LSAMP: variants seen among roughly 807,000 people sequenced by gnomAD.
The protein encoded by LSAMP is limbic system-associated membrane protein.
LSAMP carries 7 observed loss-of-function variants against 38.6 expected under a neutral mutation model. The ratio of observed to expected loss-of-function variants is 0.18; its 90% CI spans 0.10 to 0.34. The LOEUF is 0.34. Ranked by LOEUF, LSAMP falls within the 10% of genes least tolerant of loss-of-function variation. The pLI is 1.00. For synonymous variants in LSAMP, 154 were observed against 166.8 expected (o/e 0.92, Z 0.59); for missense variants, 313 against 420.0 (o/e 0.75, Z 2.23).
chr3:116,087,261 A>G (rs911482713), intron 1 of LSAMP, among the ~76,000 whole-genome samples: 8 of 152,374 alleles, frequency 5.3e-5, no homozygotes, highest in African/African-American at 1.7e-4. Flanking sequence ...ACAAAGATGA[A>G]GAAGCCAATT....
chr3:116,168,600 G>T (rs1710119448), intron 1 of LSAMP, among the ~76,000 whole-genome samples: 1 of 152,162 alleles, frequency 6.6e-6, no homozygotes. Flanking sequence ...AACTTATGGA[G>T]TTCTGACACA....
chr3:116,150,768 T>A (rs190926126), intron 1 of LSAMP, among the ~76,000 whole-genome samples: 287 of 152,104 alleles, frequency 1.9e-3, no homozygotes, highest in African/African-American at 6.5e-3. Flanking sequence ...CCCTGAAATG[T>A]TAGAAGCAAG....
intron 3 of LSAMP, among the ~76,000 whole-genome samples, chr3:115,939,248 A>G (rs2107554729): frequency 6.6e-6 from 1 of 152,302 alleles, no homozygotes; most frequent in Middle Eastern, 3.4e-3. Context: ...CCATCTTAAG[A>G]AGATTTTTTA....
At chr3:116,258,202 T>C (rs1432179019) in intron 1 of LSAMP, among the ~76,000 whole-genome samples, 3 of 152,132 alleles carry the variant, frequency 2.0e-5, no homozygotes, top group Non-Finnish European at 4.4e-5. Flanking sequence ...TTCTACAAAA[T>C]TGATGAGTGA....
chr3:116,171,874 C>A (rs1323980225), intron 1 of LSAMP, among the ~76,000 whole-genome samples: 1 of 152,040 alleles, frequency 6.6e-6, no homozygotes, highest in East Asian at 1.9e-4. Context: ...GTGACCAGTT[C>A]ATTGTGGTTC....
chr3:116,090,759 T>A (rs537553522), intron 1 of LSAMP, among the ~76,000 whole-genome samples: 3 of 152,034 alleles, frequency 2.0e-5, no homozygotes, highest in African/African-American at 7.2e-5. Context: ...AACCAGCAAG[T>A]TTTTATTAGG....
At chr3:116,233,267 GC>G (rs1282492289) in intron 1 of LSAMP, among the ~76,000 whole-genome samples, 2 of 151,822 alleles carry the variant, frequency 1.3e-5, no homozygotes, top group African/African-American at 4.8e-5. Flanking sequence ...CAAAAAATTA[GC>G]CGGGCATGGT....
intron 3 of LSAMP, among the ~76,000 whole-genome samples, chr3:115,925,886 A>C (rs1937487215): frequency 6.6e-6 from 1 of 152,200 alleles, no homozygotes. Flanking sequence ...TTAATAAGGC[A>C]AACCAAAATT....
At chr3:115,891,123 G>C (rs13083124) in intron 3 of LSAMP, among the ~76,000 whole-genome samples, 1 of 151,834 alleles carries the variant, frequency 6.6e-6, no homozygotes, top group Admixed American at 6.6e-5. Flanking sequence ...TGAAGGGAAG[G>C]CTGGGAACCA....
intron 3 of LSAMP, among the ~76,000 whole-genome samples, chr3:115,915,216 A>C (rs2107512645): frequency 6.6e-6 from 1 of 152,288 alleles, no homozygotes; most frequent in African/African-American, 2.4e-5. Flanking sequence ...GACATTCCTA[A>C]CTTTTCTGAG....
At chr3:115,880,881 CA>C (rs886181973) in intron 3 of LSAMP, among the ~76,000 whole-genome samples, 2 of 151,452 alleles carry the variant, frequency 1.3e-5, no homozygotes, top group Non-Finnish European at 2.9e-5. Context: ...ACCAAAAATA[CA>C]AAAAAATGAG....
intron 1 of LSAMP, among the ~76,000 whole-genome samples, chr3:116,225,753 G>GTTT (rs5852000): frequency 6.8e-6 from 1 of 146,764 alleles, no homozygotes; most frequent in African/African-American, 2.5e-5. Flanking sequence ...GTATATTATT[G>GTTT]TTTTTTTTTT....
chr3:116,082,716 A>G (rs1237363864), intron 2 of LSAMP, among the ~76,000 whole-genome samples: 1 of 152,244 alleles, frequency 6.6e-6, no homozygotes, highest in Non-Finnish European at 1.5e-5. Context: ...ATAAAAAAGA[A>G]CAAGATCATG....
intron 1 of LSAMP, among the ~76,000 whole-genome samples, chr3:116,315,125 T>C (rs1221632144): frequency 6.6e-6 from 1 of 152,222 alleles, no homozygotes; most frequent in Admixed American, 6.5e-5. Context: ...TTCCAGGCTT[T>C]GTAGCCTCCA....
chr3:115,976,899 T>C (rs1411141027), intron 3 of LSAMP, among the ~76,000 whole-genome samples: 1 of 152,148 alleles, frequency 6.6e-6, no homozygotes, highest in Non-Finnish European at 1.5e-5. Flanking sequence ...TAAAAACTTA[T>C]TTTCTTTATA....
At chr3:115,873,788 C>T (rs994752290) in intron 3 of LSAMP, among the ~76,000 whole-genome samples, 1 of 152,080 alleles carries the variant, frequency 6.6e-6, no homozygotes, top group African/African-American at 2.4e-5. Flanking sequence ...ATGCAAATTA[C>T]CAGGTATCAC....
At chr3:115,851,119 A>C (rs1375305566) in intron 4 of LSAMP, among the ~76,000 whole-genome samples, 2 of 151,928 alleles carry the variant, frequency 1.3e-5, no homozygotes, top group African/African-American at 4.8e-5. Flanking sequence ...GACTACAGGC[A>C]CCCGCCACCA....
At chr3:116,055,038 C>A (rs1290206425) in intron 2 of LSAMP, among the ~76,000 whole-genome samples, 1 of 152,106 alleles carries the variant, frequency 6.6e-6, no homozygotes, top group Non-Finnish European at 1.5e-5. Flanking sequence ...GAAAGTAGTA[C>A]AAAGATGTTG....
chr3:116,444,028 T>C (rs1027802759), intron 1 of LSAMP, among the ~76,000 whole-genome samples: 1 of 152,292 alleles, frequency 6.6e-6, no homozygotes, highest in African/African-American at 2.4e-5. Context: ...CTTTCCAAAT[T>C]TCAATCTCAA....
Sources: gnomAD v4.1 joint callset for allele counts (sites outside exome capture counted in the v4.1 genomes callset) on GRCh38, gnomAD v4.1.1 for gene constraint, MANE v1.5 for transcripts, NCBI Gene and HGNC (gene_info 2026-07-23, HGNC 2026-07-21) for gene names.